CHIC2: variants seen among roughly 807,000 people sequenced by gnomAD.
The protein encoded by CHIC2 is cysteine rich hydrophobic domain 2.
A neutral mutation model predicts 25.9 loss-of-function variants in CHIC2; 14 were observed. That is an observed-to-expected ratio of 0.54 (90% CI 0.36 to 0.85). The LOEUF (loss-of-function observed/expected upper bound fraction) is 0.85, where lower values mean the gene tolerates loss of function less well. Ranked by LOEUF, CHIC2 falls within the 40% of genes least tolerant of loss-of-function variation. CHIC2 has a pLI of 0.01. For missense variants in CHIC2, 146 were observed against 202.0 expected (o/e 0.72, Z 1.68); for synonymous variants, 70 against 72.0 (o/e 0.97, Z 0.14).
intron 3 of CHIC2, among the ~76,000 whole-genome samples, chr4:54,045,778 T>C (rs1276548664): frequency 4.0e-5 from 6 of 151,848 alleles, no homozygotes; most frequent in East Asian, 3.9e-4. Context: ...ATATTCAACA[T>C]AGTGTTGGAA....
chr4:54,040,584 C>T (rs1716539915), intron 3 of CHIC2, among the ~76,000 whole-genome samples: 1 of 151,578 alleles, frequency 6.6e-6, no homozygotes, highest in South Asian at 2.1e-4. Flanking sequence ...GCCTGTAATT[C>T]CAGCTACTCC....
chr4:54,021,353 CTTCT>C (rs1715895776), intron 3 of CHIC2, among the ~76,000 whole-genome samples: 1 of 152,004 alleles, frequency 6.6e-6, no homozygotes, highest in African/African-American at 2.4e-5. Context: ...CCAAATCTTT[CTTCT>C]TTCTCTCCTG....
intron 3 of CHIC2, among the ~76,000 whole-genome samples, chr4:54,040,704 A>G (rs969234547): frequency 7.5e-5 from 3 of 40,136 alleles, no homozygotes; most frequent in African/African-American, 4.6e-4. Flanking sequence ...ACTCTGTCTC[A>G]AAAAAAAAAA....
the CHIC2 span, among the ~76,000 whole-genome samples, chr4:54,084,979 A>AAAAAAAAAAAAAAAAAAAAAAC: frequency 6.6e-6 from 1 of 151,142 alleles, no homozygotes; most frequent in African/African-American, 2.4e-5. Flanking sequence ...AAAAAAAAAA[A>AAAAAAAAAAAAAAAAAAAAAAC]AATCAAACAG....
At chr4:54,016,024 G>A (rs1314218045) in intron 3 of CHIC2, among the ~76,000 whole-genome samples, 2 of 152,154 alleles carry the variant, frequency 1.3e-5, no homozygotes, top group Admixed American at 1.3e-4. Flanking sequence ...TTCAAAACCT[G>A]AATCTACCTT....
At chr4:54,067,926 C>T (rs148947633), upstream of CHIC2, among the ~76,000 whole-genome samples, 6 of 150,574 alleles carry the variant, frequency 4.0e-5, no homozygotes, top group Non-Finnish European at 5.9e-5. Context: ...TTGTCCCCCC[C>T]CCCAAATTCA....
chr4:54,087,230 T>C, the CHIC2 span: 1 of 629,382 alleles, frequency 1.6e-6, no homozygotes, highest in East Asian at 2.7e-5. Context: ...GGAAAGAGCC[T>C]GGGCAGACCT....
chr4:54,060,165 T>C (rs568340545), intron 1 of CHIC2: 1 of 152,046 alleles, frequency 6.6e-6, no homozygotes, highest in Non-Finnish European at 1.5e-5. Flanking sequence ...CAATAAACAC[T>C]AAGGTGTTCT....
chr4:54,031,072 G>A lies in CHIC2; in HGVS notation c.331-16953C>T, dbSNP rs1207739101. Among the ~76,000 whole-genome samples the A allele has an allele frequency of 4.6e-5, 7 of 151,320 alleles. No individual in the cohort carries two copies. The East Asian group carries it at 1.2e-3, about 25-fold the overall frequency. ...TTTTTAAAGCATGGAAATAGAAATA[G>A]TTTATAGACCTACAAAGCTCAATTT... is the stretch of plus-strand genomic sequence containing the variant. On this transcript the variant is annotated intron_variant, in intron 3 of 5. Coordinates refer to ENST00000263921, the MANE Select transcript of CHIC2 (RefSeq NM_012110.4).
In CHIC2 at chr4:54,051,915, T is replaced by C. The variant is rs116584091; in HGVS notation, c.120-2610A>G. Among the ~76,000 whole-genome samples, 643 of 152,304 alleles carry C rather than the reference T, an allele frequency of 4.2e-3. 5 individuals are homozygous for C. Among genetic ancestry groups the C allele is most frequent in the African/African-American group, 0.014 (589 of 41,592 alleles). On this transcript the variant is annotated intron_variant, in intron 1 of 5. Transcript: ENST00000263921. ...TATCTTTACGTTACCTCCCATTCATTATTCAAACTACCACAATCCAGGCTT... is the reference window on the plus strand; with the variant it reads ...TATCTTTACGTTACCTCCCATTCATCATTCAAACTACCACAATCCAGGCTT...
chr4:54,015,225 G>A (rs1382424042), intron 3 of CHIC2, among the ~76,000 whole-genome samples: 1 of 152,010 alleles, frequency 6.6e-6, no homozygotes, highest in African/African-American at 2.4e-5. Context: ...TACGACTACT[G>A]CCTTACATTT....
the CHIC2 span, among the ~76,000 whole-genome samples, chr4:54,073,196 A>G: frequency 6.6e-6 from 1 of 151,876 alleles, no homozygotes; most frequent in African/African-American, 2.4e-5. Flanking sequence ...GCAGTCTCTC[A>G]CTCCCATCAG....
chr4:54,059,687 A>C (rs1382277961), intron 1 of CHIC2: 1 of 152,174 alleles, frequency 6.6e-6, no homozygotes, highest in African/African-American at 2.4e-5. Context: ...TAAGTATTCT[A>C]TTATAGAACA....
intron 3 of CHIC2, among the ~76,000 whole-genome samples, chr4:54,043,750 G>A (rs1167900655): frequency 3.3e-5 from 5 of 152,094 alleles, no homozygotes; most frequent in East Asian, 1.9e-4. Context: ...ATCAACTAAC[G>A]AGCAAAATAA....
At chr4:54,023,931 G>A (rs776788890) in intron 3 of CHIC2, among the ~76,000 whole-genome samples, 4 of 152,142 alleles carry the variant, frequency 2.6e-5, no homozygotes, top group South Asian at 2.1e-4. Context: ...TCTCAAGGCC[G>A]CTTTACTTCC....
At chr4:54,087,278 G>A in the CHIC2 span, 306 of 582,118 alleles carry the variant, frequency 5.3e-4, 1 homozygote, top group African/African-American at 3.9e-3. Context: ...GAACAGAATG[G>A]AAGTTAAAGT....
At chr4:54,025,579 C>T (rs550028350) in intron 3 of CHIC2, among the ~76,000 whole-genome samples, 4 of 152,084 alleles carry the variant, frequency 2.6e-5, no homozygotes, top group Middle Eastern at 3.2e-3. Context: ...GGGGTAAAGG[C>T]CGGGCGCAAT....
chr4:54,033,990 G>A (rs1366170836), intron 3 of CHIC2, among the ~76,000 whole-genome samples: 1 of 151,600 alleles, frequency 6.6e-6, no homozygotes, highest in Non-Finnish European at 1.5e-5. Flanking sequence ...TTTGTAGGTT[G>A]TCTGTATTCC....
chr4:54,049,530 A>G (rs1303812271), intron 1 of CHIC2, among the ~76,000 whole-genome samples: 2 of 152,324 alleles, frequency 1.3e-5, no homozygotes, highest in Non-Finnish European at 1.5e-5. Context: ...AAGGGGCTGA[A>G]TGTTAATTAA....
Sources: allele counts gnomAD v4.1 joint callset (sites outside exome capture counted in the v4.1 genomes callset), GRCh38; gene constraint gnomAD v4.1.1; transcripts MANE v1.5; gene names NCBI Gene and HGNC (gene_info 2026-07-23, HGNC 2026-07-21).